SVOPL: variants seen among roughly 807,000 people sequenced by gnomAD.
SVOPL encodes the protein SVOP like.
In SVOPL, 60 loss-of-function variants were observed where a neutral mutation model predicts 61.0. The observed-to-expected ratio is 0.98, with a 90% CI of 0.80 to 1.22. The LOEUF (loss-of-function observed/expected upper bound fraction) is 1.22, where lower values mean the gene tolerates loss of function less well. SVOPL is among the 50% of genes most tolerant of loss of function. SVOPL has a pLI of 0.00. For missense variants in SVOPL, 662 were observed against 643.9 expected (o/e 1.03, Z -0.30); for synonymous variants, 279 against 250.0 (o/e 1.12, Z -1.09).
intron 8 of SVOPL, among the ~76,000 whole-genome samples, chr7:138,645,908 C>G (rs545504220): frequency 6.6e-6 from 1 of 152,204 alleles, no homozygotes; most frequent in Admixed American, 6.5e-5. Context: ...CTCCACCTCC[C>G]GGGTTCAAGC....
At chr7:138,617,354 T>G (rs1799347781) in intron 14 of SVOPL, among the ~76,000 whole-genome samples, 1 of 152,136 alleles carries the variant, frequency 6.6e-6, no homozygotes, top group Admixed American at 6.5e-5. Flanking sequence ...AAATTTTTAG[T>G]TTAACTGGTT....
chr7:138,627,227 G>A, intron 12 of SVOPL, 123 bp downstream of exon 12: 4 of 672,226 alleles, frequency 6.0e-6, no homozygotes, highest in Non-Finnish European at 1.0e-5. Flanking sequence ...AGTCAAGCAA[G>A]CAGCCCATTC....
intron 1 of SVOPL, among the ~76,000 whole-genome samples, chr7:138,696,714 G>A (rs559692556): frequency 3.3e-5 from 5 of 152,184 alleles, no homozygotes; most frequent in East Asian, 1.9e-4. Flanking sequence ...GTGAGCCACC[G>A]CACCCTGGTC....
At chr7:138,649,565 G>A (rs1482731614) in intron 7 of SVOPL, among the ~76,000 whole-genome samples, 1 of 152,114 alleles carries the variant, frequency 6.6e-6, no homozygotes, top group African/African-American at 2.4e-5. Flanking sequence ...CCAAAATGCT[G>A]GGATTACAGG....
rs62485321 is a variant in SVOPL, at chr7:138,629,157, A to G, written c.864-794T>C. On this transcript the variant is annotated intron_variant, in intron 10 of 15. Coordinates refer to ENST00000674285, the MANE Select transcript of SVOPL (RefSeq NM_001139456.2). Reference sequence around the variant, plus strand: ...TGTGTGTGTGTGTGTGTGTGTGTATATATGTATATATAATTTGCTGGAAAT... The same window carrying G: ...TGTGTGTGTGTGTGTGTGTGTGTATGTATGTATATATAATTTGCTGGAAAT... Among the ~76,000 whole-genome samples the G allele has an allele frequency of 8.7e-3, 406 of 46,670 alleles. 3 individuals are homozygous for G. The highest frequency in any genetic ancestry group is 0.025 in the African/African-American group (390 of 15,740). The allele number at this position is 46,670 out of a possible 152,430, so 30.6% of individuals were successfully genotyped here.
At chr7:138,660,184 C>G in intron 5 of SVOPL, 196 bp from the exon 6 acceptor site, 1 of 1,348,478 alleles carries the variant, frequency 7.4e-7, no homozygotes, top group Non-Finnish European at 9.6e-7. Context: ...AAGCCCAGAC[C>G]TACCAAGTTC....
At chr7:138,622,487 G>A (rs1350575680) in intron 13 of SVOPL, among the ~76,000 whole-genome samples, 2 of 80,674 alleles carry the variant, frequency 2.5e-5, no homozygotes, top group Non-Finnish European at 5.7e-5. Context: ...TGGAGGCAGC[G>A]GCGGGCGGGG....
intron 14 of SVOPL, among the ~76,000 whole-genome samples, chr7:138,607,762 A>C (rs1798819906): frequency 6.6e-6 from 1 of 152,204 alleles, no homozygotes; most frequent in Non-Finnish European, 1.5e-5. Context: ...TACAGCTTGG[A>C]AGCTGTGGAA....
chr7:138,663,362 C>A (rs760656373), intron 4 of SVOPL: 20 of 1,407,160 alleles, frequency 1.4e-5, no homozygotes, highest in Non-Finnish European at 1.8e-5. Flanking sequence ...AGATCCTGCC[C>A]CAGGTGGAAA....
At chr7:138,637,467 TAGATATAGATATAGATATAGATAG>T (rs1800540820) in intron 9 of SVOPL, among the ~76,000 whole-genome samples, 5 of 30,822 alleles carry the variant, frequency 1.6e-4, no homozygotes, top group African/African-American at 4.7e-4. Context: ...TATATATATA[TAGATATAGATATAGATATAGATAG>T]ATATATATAT....
At chr7:138,686,397 C>T (rs1036859014) in intron 1 of SVOPL, among the ~76,000 whole-genome samples, 2 of 126,626 alleles carry the variant, frequency 1.6e-5, no homozygotes, top group African/African-American at 6.6e-5. Flanking sequence ...AAGAGTGAGA[C>T]TCCGCCTCAA....
Position 138,610,233 on chromosome 7 carries a change from CCTTTT to C in SVOPL, c.1353+10808_1353+10812del, listed in dbSNP as rs552284908. 2.8e-3 allele frequency among the ~76,000 whole-genome samples: 424 copies of C among 152,100 alleles called. 2 individuals carry two copies. Among genetic ancestry groups the C allele is most frequent in the Middle Eastern group, 0.01 (3 of 292 alleles). ...TTTCTTCCTTTTCCTTTCCTTCCTT[CCTTTT>C]CTTTTCTTTCTCCCCTCCCTCTCCT... On this transcript the variant is annotated intron_variant, in intron 14 of 15. Transcript: ENST00000674285.
intron 5 of SVOPL, chr7:138,661,926 A>C (rs966471434): frequency 1.9e-5 from 19 of 985,290 alleles, no homozygotes; most frequent in Non-Finnish European, 2.3e-5. Context: ...GTTCAGAGCA[A>C]CACCACCCCT....
At chr7:138,622,214 C>A (rs146263658) in intron 13 of SVOPL, among the ~76,000 whole-genome samples, 2 of 45,454 alleles carry the variant, frequency 4.4e-5, no homozygotes, top group Non-Finnish European at 8.8e-5. Context: ...ATCTATCTAT[C>A]TATCTATGTA....
intron 6 of SVOPL, among the ~76,000 whole-genome samples, chr7:138,657,840 CAAG>C (rs1489501796): frequency 6.6e-6 from 1 of 152,038 alleles, no homozygotes; most frequent in Non-Finnish European, 1.5e-5. Context: ...TCCAAGGCAC[CAAG>C]AAGAGAAGAG....
chr7:138,610,530 G>GA (rs1018123064), intron 14 of SVOPL, among the ~76,000 whole-genome samples: 3 of 151,792 alleles, frequency 2.0e-5, no homozygotes, highest in Non-Finnish European at 4.4e-5. Context: ...CAGGATGGAA[G>GA]AAAAAAAATC....
At chr7:138,683,321 A>G (rs1326823213) in intron 1 of SVOPL, among the ~76,000 whole-genome samples, 1 of 152,112 alleles carries the variant, frequency 6.6e-6, no homozygotes, top group Non-Finnish European at 1.5e-5. Context: ...ACTTTTGAGT[A>G]TGTGTAGTAT....
Position 138,662,908 on chromosome 7 carries a change from A to C in SVOPL, c.345+166T>G, listed in dbSNP as rs1245701582. ...TGCAGGCACAGGTACCCTGAGAAAA[A>C]TGTCCAGAAGATAAGCCTGGAATGT... is the stretch of plus-strand genomic sequence containing the variant. On this transcript the variant is annotated intron_variant, in intron 5 of 15. Transcript: ENST00000674285. 6 of 1,446,118 alleles carry C rather than the reference A, an allele frequency of 4.1e-6. No individual in the cohort carries two copies. In the East Asian group the frequency reaches 1.3e-4, roughly 30 times the overall value. 89.6% of individuals were successfully genotyped at this position (1,446,118 alleles called of 1,614,324 possible).
chr7:138,641,821 TATATATATATATAAC>T (rs1413536157), intron 9 of SVOPL, among the ~76,000 whole-genome samples: 1 of 138,834 alleles, frequency 7.2e-6, no homozygotes, highest in South Asian at 2.3e-4. Flanking sequence ...ATGTTATATA[TATATATATATATAAC>T]ATATATATAT....
Sources: allele counts gnomAD v4.1 joint callset (sites outside exome capture counted in the v4.1 genomes callset), GRCh38; gene constraint gnomAD v4.1.1; transcripts MANE v1.5; gene names NCBI Gene and HGNC (gene_info 2026-07-23, HGNC 2026-07-21).